The following TSPEAR variants were observed in gnomAD, a reference collection of about 807,000 sequenced individuals.
TSPEAR encodes the protein thrombospondin-type laminin G domain and EAR repeat-containing protein.
A neutral mutation model predicts 71.6 loss-of-function variants in TSPEAR; 69 were observed. The observed-to-expected ratio is 0.96, with a 90% CI of 0.79 to 1.18. TSPEAR has a LOEUF of 1.18. Ranked by LOEUF, TSPEAR falls within the 50% of genes most tolerant of loss-of-function variation. TSPEAR has a pLI of 0.00. For synonymous variants in TSPEAR, 402 were observed against 387.2 expected (o/e 1.04, Z -0.45); for missense variants, 971 against 894.9 (o/e 1.09, Z -1.09).
Position 44,498,541 on chromosome 21 carries a change from G to A in TSPEAR, c.*1242C>T, listed in dbSNP as rs587760094. ...CAAAGCCGGCAAAAGTAGACACTGA[G>A]TTTATTATTTGCCAGACAAGGGGAG... On this transcript the variant is annotated 3_prime_UTR_variant, in exon 12 of 12. Transcript: ENST00000323084. 6.6e-6 allele frequency: 1 copy of A among 152,386 alleles called. No homozygotes were observed. The highest frequency in any genetic ancestry group is 2.4e-5 in the African/African-American group (1 of 41,594). 9.4% of individuals were successfully genotyped at this position (152,386 alleles called of 1,614,324 possible). A position where few individuals can be genotyped will look rare whatever the true frequency, so the allele number is the denominator to read the frequency against.
Position 44,670,453 on chromosome 21 carries a change from C to T in TSPEAR, c.82+40980G>A, listed in dbSNP as rs191322536. ...AAGCAACTGGAATTCAGCAAAGAAG[C>T]GACAGGAAATATCTGAGGCACAGAA... On this transcript the variant is annotated intron_variant, in intron 1 of 11. Transcript: ENST00000323084. Among the ~76,000 whole-genome samples the T allele has an allele frequency of 6.8e-3, 1,027 of 151,816 alleles. 13 individuals are homozygous for T. The highest frequency in any genetic ancestry group is 0.02 in the Middle Eastern group (6 of 294).
intron 1 of TSPEAR, chr21:44,592,507 G>A (rs1555927060): frequency 6.3e-7 from 1 of 1,589,590 alleles, no homozygotes. Context: ...CTGGTGGAGG[G>A]TGAGGGAGTG....
rs372936683 is a variant in TSPEAR, at chr21:44,638,707, G to A, written c.83-70702C>T. Among the ~76,000 whole-genome samples the A allele has an allele frequency of 1.5e-3, 229 of 152,036 alleles. 1 individual carries two copies. The highest frequency in any genetic ancestry group is 3.1e-3 in the Admixed American group (47 of 15,280). On this transcript the variant is annotated intron_variant, in intron 1 of 11. Coordinates refer to ENST00000323084, the MANE Select transcript of TSPEAR (RefSeq NM_144991.3). Reference sequence around the variant, plus strand: ...CCCCGTGGGCCCCCAACCCCAGCACGTGGCCCCCCGGCCCATCTTAGGAAA... The same window carrying A: ...CCCCGTGGGCCCCCAACCCCAGCACATGGCCCCCCGGCCCATCTTAGGAAA...
chr21:44,583,851 C>A (rs1272191422), intron 1 of TSPEAR, among the ~76,000 whole-genome samples: 5 of 152,128 alleles, frequency 3.3e-5, no homozygotes, highest in African/African-American at 9.7e-5. Flanking sequence ...ATGCAGTTAC[C>A]TTTATTTTGT....
chr21:44,678,279 T>A (rs1986419888), intron 1 of TSPEAR, among the ~76,000 whole-genome samples: 1 of 152,030 alleles, frequency 6.6e-6, no homozygotes, highest in Non-Finnish European at 1.5e-5. Context: ...GGTGATTTGA[T>A]CATGAGGGCC....
chr21:44,528,335 C>T, intron 6 of TSPEAR, 117 bp downstream of exon 6: 1 of 1,459,136 alleles, frequency 6.9e-7, no homozygotes, highest in Non-Finnish European at 9.4e-7. Context: ...AGCCTGACGG[C>T]CAAGCCTGAG....
chr21:44,528,432 C>G lies in TSPEAR; in HGVS notation c.922+20G>C, dbSNP rs375774059. The G allele has an allele frequency of 5.0e-6, 8 of 1,613,110 alleles. No homozygotes were observed. Among genetic ancestry groups the G allele is most frequent in the African/African-American group, 1.3e-5 (1 of 74,906 alleles). ...AGAGTGGCCCTGCATGCCAACGCCC[C>G]GGGTGCAGGGCTGCCTCACCTGCTA... On this transcript the variant is annotated intron_variant, in intron 6 of 11. Coordinates refer to ENST00000323084, the MANE Select transcript of TSPEAR (RefSeq NM_144991.3).
intron 1 of TSPEAR, among the ~76,000 whole-genome samples, chr21:44,709,575 C>T (rs1555953181): frequency 6.6e-6 from 1 of 152,264 alleles, no homozygotes; most frequent in East Asian, 1.9e-4. Flanking sequence ...CCCGAACCCC[C>T]AGCCTCGCGA....
intron 2 of TSPEAR, among the ~76,000 whole-genome samples, chr21:44,550,159 C>T (rs1186220756): frequency 6.6e-6 from 1 of 152,252 alleles, no homozygotes; most frequent in African/African-American, 2.4e-5. Context: ...GCTTTTGGGC[C>T]CCACAGGACC....
chr21:44,575,248 C>T (rs1184916106), intron 1 of TSPEAR: 7 of 585,672 alleles, frequency 1.2e-5, no homozygotes, highest in African/African-American at 1.9e-5. Context: ...TATCTCCCAC[C>T]TCTCATGAGG....
Position 44,556,099 on chromosome 21 carries a change from C to T in TSPEAR, c.303+11686G>A, listed in dbSNP as rs140772740. 3.5e-3 allele frequency among the ~76,000 whole-genome samples: 534 copies of T among 152,328 alleles called. 3 individuals carry two copies. Among genetic ancestry groups the T allele is most frequent in the Non-Finnish European group, 5.1e-3 (348 of 68,038 alleles). ...ATTCTTAAGAATTAAGAAGTCGTGC[C>T]GGGCACGGTGGCTCACGCTTGTAAT... On this transcript the variant is annotated intron_variant, in intron 2 of 11. Coordinates refer to ENST00000323084, the MANE Select transcript of TSPEAR (RefSeq NM_144991.3).
chr21:44,647,748 CAGTGTCTCT>C, intron 1 of TSPEAR: 3 of 262,906 alleles, frequency 1.1e-5, no homozygotes, highest in Non-Finnish European at 2.2e-5. Flanking sequence ...GCAGACAGGA[CAGTGTCTCT>C]CATTCCGAGA....
intron 1 of TSPEAR, among the ~76,000 whole-genome samples, chr21:44,664,487 A>G (rs1254708579): frequency 1.3e-5 from 2 of 152,200 alleles, no homozygotes; most frequent in Non-Finnish European, 2.9e-5. Context: ...ACTCTCCCCA[A>G]ATTGATCTAT....
intron 1 of TSPEAR, chr21:44,677,173 C>G: frequency 2.8e-6 from 2 of 714,096 alleles, no homozygotes; most frequent in South Asian, 3.0e-5. Flanking sequence ...TTGGCCCCAG[C>G]AACCTCTTCT....
chr21:44,696,859 T>TACGCTAC, intron 1 of TSPEAR, among the ~76,000 whole-genome samples: 1 of 151,204 alleles, frequency 6.6e-6, no homozygotes. Context: ...GGAGCTAAGC[T>TACGCTAC]ACGCTACACG....
intron 1 of TSPEAR, among the ~76,000 whole-genome samples, chr21:44,621,246 TTTAAA>T (rs1458067774): frequency 1.3e-5 from 2 of 152,220 alleles, no homozygotes; most frequent in Non-Finnish European, 2.9e-5. Flanking sequence ...TTTATACTTT[TTTAAA>T]TTAGAGAGAA....
intron 1 of TSPEAR, chr21:44,574,853 C>T (rs1482321827): frequency 1.9e-6 from 3 of 1,613,776 alleles, no homozygotes; most frequent in Non-Finnish European, 2.5e-6. Flanking sequence ...CCCTCCTCTG[C>T]CGCCCCGTGT....
At chr21:44,592,841 A>T (rs1282179243) in intron 1 of TSPEAR, among the ~76,000 whole-genome samples, 1 of 152,192 alleles carries the variant, frequency 6.6e-6, no homozygotes, top group Non-Finnish European at 1.5e-5. Flanking sequence ...AGCCGGCCTC[A>T]GGAAGTGTCC....
At chr21:44,589,579 C>T (rs954829593) in intron 1 of TSPEAR, among the ~76,000 whole-genome samples, 2 of 152,206 alleles carry the variant, frequency 1.3e-5, no homozygotes, top group Non-Finnish European at 2.9e-5. Context: ...AAGGTGCTTT[C>T]ACTAGGAGTT....
Sources: allele counts gnomAD v4.1 joint callset (sites outside exome capture counted in the v4.1 genomes callset), GRCh38; gene constraint gnomAD v4.1.1; transcripts MANE v1.5; gene names NCBI Gene and HGNC (gene_info 2026-07-23, HGNC 2026-07-21).